Variants in PDE8A observed in about 807,000 individuals in gnomAD.
PDE8A encodes the protein high affinity cAMP-specific and IBMX-insensitive 3',5'-cyclic phosphodiesterase 8A.
PDE8A carries 59 observed loss-of-function variants against 105.0 expected under a neutral mutation model. The observed-to-expected ratio is 0.56, with a 90% CI of 0.46 to 0.70. The LOEUF (loss-of-function observed/expected upper bound fraction) is 0.70, where lower values mean the gene tolerates loss of function less well. Among genes scored for constraint, PDE8A ranks in the 30% least tolerant of loss-of-function variants. PDE8A has a pLI of 0.00. For synonymous variants in PDE8A, 355 were observed against 371.9 expected, an observed-to-expected ratio of 0.95 and a Z score of 0.52; for missense variants, 1,014 against 1,045.9, an observed-to-expected ratio of 0.97 and a Z score of 0.42.
At chr15:85,060,825 A>G (rs1046994295) in intron 1 of PDE8A, among the ~76,000 whole-genome samples, 1 of 152,248 alleles carries the variant, frequency 6.6e-6, no homozygotes, top group Non-Finnish European at 1.5e-5. Context: ...AAGGAGTTAT[A>G]AGCCATTTAT....
chr15:85,127,015 G>A (rs2082268070), intron 20 of PDE8A, among the ~76,000 whole-genome samples: 3 of 152,118 alleles, frequency 2.0e-5, no homozygotes. Flanking sequence ...GGGCAACATG[G>A]TGAGACCTTG....
chr15:85,017,056 T>C, intron 1 of PDE8A, among the ~76,000 whole-genome samples: 1 of 149,668 alleles, frequency 6.7e-6, no homozygotes. Context: ...GGTCAGGAGA[T>C]CGAGACCATC....
intron 7 of PDE8A, among the ~76,000 whole-genome samples, chr15:85,090,039 A>G (rs1332202132): frequency 6.6e-6 from 1 of 152,158 alleles, no homozygotes; most frequent in East Asian, 1.9e-4. Context: ...AGTCTTTCTT[A>G]CTTCTGGGCT....
chr15:85,033,613 C>T (rs905069087), intron 1 of PDE8A, among the ~76,000 whole-genome samples: 4 of 152,132 alleles, frequency 2.6e-5, no homozygotes, highest in Non-Finnish European at 5.9e-5. Context: ...ACTTGTAATC[C>T]CAGCACTTTG....
rs1406593034 is a variant in PDE8A at position 85,093,319 on chromosome 15, A to G, written c.852+2138A>G. On this transcript the variant is annotated intron_variant, in intron 8 of 21. Transcript: ENST00000394553. ...AGGAACCTGCTGGTCTATGGGCAAC[A>G]TGGCAGCAGGGCAGGCCGCTGAGCT... Among the ~76,000 whole-genome samples, 50 of 152,238 alleles carry G rather than the reference A, an allele frequency of 3.3e-4. 1 individual carries two copies. Among genetic ancestry groups the G allele is most frequent in the Admixed American group, 3.1e-3 (48 of 15,288 alleles).
chr15:84,995,008 A>C (rs927704575), intron 1 of PDE8A, among the ~76,000 whole-genome samples: 1 of 151,944 alleles, frequency 6.6e-6, no homozygotes, highest in Non-Finnish European at 1.5e-5. Flanking sequence ...TTAGTATACT[A>C]TACTTCCCCT....
At chr15:85,015,398 A>C (rs529473221) in intron 1 of PDE8A, among the ~76,000 whole-genome samples, 229 of 152,028 alleles carry the variant, frequency 1.5e-3, no homozygotes, top group Non-Finnish European at 2.9e-3. Flanking sequence ...GTAAAGATGG[A>C]GTCTCACTAT....
chr15:85,095,380 G>C (rs767599294), intron 8 of PDE8A, among the ~76,000 whole-genome samples: 4 of 152,092 alleles, frequency 2.6e-5, no homozygotes, highest in Non-Finnish European at 4.4e-5. Flanking sequence ...GTCTCACTCT[G>C]TTGCCCAGGC....
chr15:85,134,980 G>A (rs1596552926), intron 20 of PDE8A, among the ~76,000 whole-genome samples: 2 of 152,196 alleles, frequency 1.3e-5, no homozygotes, highest in African/African-American at 4.8e-5. Context: ...TGCCGGAGCT[G>A]GTGCCGTAGA....
At chr15:85,096,716 C>T (rs939481179) in intron 8 of PDE8A, among the ~76,000 whole-genome samples, 1 of 152,164 alleles carries the variant, frequency 6.6e-6, no homozygotes, top group African/African-American at 2.4e-5. Flanking sequence ...AGCTCCCCCT[C>T]AGAACTGTAC....
chr15:85,085,382 C>T (rs1158518921), intron 6 of PDE8A, among the ~76,000 whole-genome samples: 1 of 152,182 alleles, frequency 6.6e-6, no homozygotes, highest in East Asian at 1.9e-4. Context: ...GGTGTTACTG[C>T]TAGATTGGTA....
At chr15:85,033,518 G>A (rs1285457401) in intron 1 of PDE8A, among the ~76,000 whole-genome samples, 1 of 152,088 alleles carries the variant, frequency 6.6e-6, no homozygotes, top group Admixed American at 6.6e-5. Context: ...AAAGAAAGAA[G>A]ACTTCTACTC....
intron 1 of PDE8A, among the ~76,000 whole-genome samples, chr15:85,019,302 G>GA (rs1376582197): frequency 6.6e-6 from 1 of 152,184 alleles, no homozygotes; most frequent in Non-Finnish European, 1.5e-5. Context: ...ATTTAGGGGT[G>GA]AAAAATGTGA....
chr15:85,061,087 G>A (rs2081136784), intron 1 of PDE8A, among the ~76,000 whole-genome samples: 1 of 151,994 alleles, frequency 6.6e-6, no homozygotes, highest in Non-Finnish European at 1.5e-5. Context: ...TTTGAATGAA[G>A]TTTTGCCAAA....
chr15:85,022,878 G>T (rs2080452104), intron 1 of PDE8A, among the ~76,000 whole-genome samples: 1 of 152,118 alleles, frequency 6.6e-6, no homozygotes. Flanking sequence ...GGGATCAAGA[G>T]AATATTTATT....
intron 5 of PDE8A, among the ~76,000 whole-genome samples, chr15:85,079,807 G>A (rs1263078387): frequency 6.6e-6 from 1 of 152,188 alleles, no homozygotes; most frequent in Non-Finnish European, 1.5e-5. Flanking sequence ...CAGCTACTCA[G>A]GAGGCTGAAG....
At chr15:85,113,053 T>A (rs2082042424) in intron 12 of PDE8A, among the ~76,000 whole-genome samples, 1 of 152,196 alleles carries the variant, frequency 6.6e-6, no homozygotes, top group African/African-American at 2.4e-5. Flanking sequence ...AATGGCAAGC[T>A]AAGTAATTAT....
intron 1 of PDE8A, among the ~76,000 whole-genome samples, chr15:85,032,477 A>G (rs1021560844): frequency 2.6e-5 from 4 of 152,202 alleles, no homozygotes; most frequent in African/African-American, 9.6e-5. Flanking sequence ...GTTTTTAAAG[A>G]CCTAGACTTC....
chr15:85,122,660 G>A (rs1174074624), intron 18 of PDE8A, among the ~76,000 whole-genome samples: 1 of 152,138 alleles, frequency 6.6e-6, no homozygotes, highest in African/African-American at 2.4e-5. Context: ...TAAAAGCAAG[G>A]GTTAGAGGTG....
Sources: allele counts gnomAD v4.1 joint callset (sites outside exome capture counted in the v4.1 genomes callset), GRCh38; gene constraint gnomAD v4.1.1; transcripts MANE v1.5; gene names NCBI Gene and HGNC (gene_info 2026-07-23, HGNC 2026-07-21).